Variants in MEMO1 observed in about 807,000 individuals in gnomAD.
The protein encoded by MEMO1 is mediator of cell motility 1.
In MEMO1, 6 loss-of-function variants were observed where a neutral mutation model predicts 45.2. That is an observed-to-expected ratio of 0.13 (90% CI 0.07 to 0.26). The LOEUF (loss-of-function observed/expected upper bound fraction) is 0.26, where lower values mean the gene tolerates loss of function less well. MEMO1 is among the 10% of genes least tolerant of loss of function. The pLI, the probability that MEMO1 is intolerant of heterozygous loss-of-function variation, is 1.00. For missense variants in MEMO1, 184 were observed against 370.5 expected (o/e 0.50, Z 4.13); for synonymous variants, 78 against 124.3 (o/e 0.63, Z 2.48).
intron 2 of MEMO1, among the ~76,000 whole-genome samples, chr2:31,954,893 T>G (rs1667236705): frequency 6.6e-6 from 1 of 150,858 alleles, no homozygotes; most frequent in Admixed American, 6.6e-5. Flanking sequence ...CACTACAATC[T>G]CTGGAATGGC....
chr2:31,945,958 G>A (rs1666143903), intron 2 of MEMO1, among the ~76,000 whole-genome samples: 1 of 152,188 alleles, frequency 6.6e-6, no homozygotes, highest in Non-Finnish European at 1.5e-5. Context: ...CATCCACTTG[G>A]CTAGATGTAA....
intron 2 of MEMO1, among the ~76,000 whole-genome samples, chr2:31,999,847 A>G (rs1673055832): frequency 6.6e-6 from 1 of 151,126 alleles, no homozygotes; most frequent in South Asian, 2.1e-4. Flanking sequence ...CAGATAATGT[A>G]CAATACAAGG....
intron 2 of MEMO1, chr2:31,963,203 C>A: frequency 6.5e-7 from 1 of 1,547,904 alleles, no homozygotes; most frequent in Non-Finnish European, 8.7e-7. Context: ...AGCTTGCTGA[C>A]TGCACATCTT....
At chr2:31,893,204 T>C in intron 6 of MEMO1, 1 of 307,722 alleles carries the variant, frequency 3.2e-6, no homozygotes, top group Non-Finnish European at 5.7e-6. Context: ...AAGCTAAATT[T>C]AGGGCACCCA....
At chr2:32,002,160 A>ATATATATAT in intron 2 of MEMO1, among the ~76,000 whole-genome samples, 1 of 127,460 alleles carries the variant, frequency 7.8e-6, no homozygotes, top group African/African-American at 3.2e-5. Context: ...AAAAAAAAAA[A>ATATATATAT]AAAAAAAAAT....
intron 2 of MEMO1, among the ~76,000 whole-genome samples, chr2:31,986,875 T>C (rs1471067641): frequency 6.6e-6 from 1 of 152,102 alleles, no homozygotes; most frequent in Non-Finnish European, 1.5e-5. Context: ...AAATTGTTAT[T>C]TGAAGGATAA....
intron 4 of MEMO1, among the ~76,000 whole-genome samples, chr2:31,925,492 A>AAAAAAAAAAAAAAAG (rs1558507956): frequency 3.0e-5 from 4 of 133,940 alleles, no homozygotes; most frequent in African/African-American, 1.0e-4. Flanking sequence ...AAAAAAAAAA[A>AAAAAAAAAAAAAAAG]AAAAAAATCT....
intron 8 of MEMO1, 129 bp from the exon 9 acceptor site, chr2:31,870,081 A>G (rs1241943327): frequency 1.4e-6 from 1 of 739,944 alleles, no homozygotes; most frequent in Non-Finnish European, 1.9e-6. Context: ...AAGAAAACAG[A>G]TTAAATAAAC....
chr2:31,888,546 A>C (rs1011457909), intron 7 of MEMO1, among the ~76,000 whole-genome samples: 2 of 152,104 alleles, frequency 1.3e-5, no homozygotes, highest in South Asian at 4.1e-4. Flanking sequence ...AAATTCTCTC[A>C]TACGGAGCCA....
chr2:31,909,264 A>G (rs1280726535), intron 6 of MEMO1, among the ~76,000 whole-genome samples: 2 of 152,366 alleles, frequency 1.3e-5, no homozygotes, highest in Admixed American at 6.5e-5. Flanking sequence ...TAGCCAGAAC[A>G]ATTAGTCAAG....
chr2:31,920,813 G>A lies in MEMO1; in HGVS notation c.310C>T (p.Arg104Cys), dbSNP rs780929278. Residue 104 changes from arginine to cysteine, a missense_variant, in exon 5 of 10, where the codon CGT becomes TGT. Arg to Cys is a radical substitution (Grantham distance 180). Coordinates refer to ENST00000404530, the MANE Select transcript of MEMO1 (RefSeq NM_001301833.4). Reference sequence around the variant, plus strand: ...ATATACTTACTCTTTTGGTCAATACGAAGGTCATACAGAGGTGTCCTATAT... The same window carrying A: ...ATATACTTACTCTTTTGGTCAATACAAAGGTCATACAGAGGTGTCCTATAT... ...DIYRTPLYDL[R>C]IDQKIYGELW... is the part of the protein sequence containing the mutation. 3.1e-5 allele frequency: 50 copies of A among 1,592,838 alleles called. No individual in the cohort carries two copies. The highest frequency in any genetic ancestry group is 4.2e-5 in the Non-Finnish European group (49 of 1,169,308).
At chr2:31,902,660 T>C (rs1028149004) in intron 6 of MEMO1, among the ~76,000 whole-genome samples, 3 of 152,222 alleles carry the variant, frequency 2.0e-5, no homozygotes, top group South Asian at 2.1e-4. Context: ...TTTTGTCTTA[T>C]AGCTTAAACC....
chr2:31,899,189 A>C (rs1356200447), intron 6 of MEMO1, among the ~76,000 whole-genome samples: 1 of 152,206 alleles, frequency 6.6e-6, no homozygotes, highest in Non-Finnish European at 1.5e-5. Context: ...AACTACTTTA[A>C]ATTTCATATG....
intron 2 of MEMO1, among the ~76,000 whole-genome samples, chr2:31,982,189 C>T (rs577976225): frequency 1.4e-3 from 219 of 151,396 alleles, no homozygotes; most frequent in African/African-American, 4.3e-3. Flanking sequence ...CCCAGCTACT[C>T]GGGAGGCTGA....
intron 6 of MEMO1, among the ~76,000 whole-genome samples, chr2:31,908,961 A>T (rs1466721220): frequency 6.6e-6 from 1 of 152,244 alleles, no homozygotes; most frequent in Non-Finnish European, 1.5e-5. Context: ...AACTGATCAC[A>T]GAATTATAGA....
chr2:31,943,779 T>C (rs1186310174), intron 2 of MEMO1, among the ~76,000 whole-genome samples: 1 of 152,156 alleles, frequency 6.6e-6, no homozygotes, highest in Non-Finnish European at 1.5e-5. Flanking sequence ...TGAAATGACA[T>C]CCACAGAAGG....
chr2:31,884,990 T>C (rs1011978845), intron 7 of MEMO1, among the ~76,000 whole-genome samples: 2 of 152,252 alleles, frequency 1.3e-5, no homozygotes, highest in Non-Finnish European at 2.9e-5. Flanking sequence ...TCTATATTGA[T>C]AATTCATTAA....
At chr2:31,885,501 G>A (rs764008294) in intron 7 of MEMO1, among the ~76,000 whole-genome samples, 3 of 152,168 alleles carry the variant, frequency 2.0e-5, no homozygotes, top group Non-Finnish European at 2.9e-5. Context: ...ATAATTTATC[G>A]ATTCAATTCA....
chr2:31,879,102 A>C (rs1674982547), intron 8 of MEMO1, among the ~76,000 whole-genome samples: 1 of 152,204 alleles, frequency 6.6e-6, no homozygotes, highest in Non-Finnish European at 1.5e-5. Context: ...GTTAACATTT[A>C]AACATTGCTC....
Sources: allele counts gnomAD v4.1 joint callset (sites outside exome capture counted in the v4.1 genomes callset), GRCh38; gene constraint gnomAD v4.1.1; transcripts MANE v1.5; gene names NCBI Gene and HGNC (gene_info 2026-07-23, HGNC 2026-07-21).